Variants in SOS2 observed in about 807,000 individuals in gnomAD.
SOS2 encodes the protein SOS Ras/Rho guanine nucleotide exchange factor 2.
In SOS2, 65 loss-of-function variants were observed where a neutral mutation model predicts 148.2. The observed-to-expected ratio is 0.44, with a 90% CI of 0.36 to 0.54. The LOEUF (loss-of-function observed/expected upper bound fraction) is 0.54. Ranked by LOEUF, SOS2 falls within the 20% of genes least tolerant of loss-of-function variation. SOS2 has a pLI of 0.00. For synonymous variants in SOS2, 539 were observed against 537.1 expected (o/e 1.00, Z -0.05); for missense variants, 1,341 against 1,590.2 (o/e 0.84, Z 2.67).
intron 1 of SOS2, among the ~76,000 whole-genome samples, chr14:50,223,727 C>A (rs569484912): frequency 1.4e-4 from 22 of 152,048 alleles, no homozygotes; most frequent in African/African-American, 4.3e-4. Context: ...CACCTGTAGT[C>A]CCAGCTATAT....
intron 13 of SOS2, 113 bp downstream of exon 13, chr14:50,152,955 GCT>G: frequency 1.8e-6 from 1 of 542,548 alleles, no homozygotes; most frequent in Middle Eastern, 5.4e-4. Context: ...ACAAAGCAAA[GCT>G]CTGTTTCAAA....
intron 14 of SOS2, among the ~76,000 whole-genome samples, chr14:50,146,987 G>A (rs1460433845): frequency 1.3e-5 from 2 of 151,978 alleles, no homozygotes; most frequent in Non-Finnish European, 2.9e-5. Context: ...TTGAGGCAAA[G>A]GGTTTGAGAC....
At chr14:50,178,065 T>C (rs1884405) in intron 7 of SOS2, among the ~76,000 whole-genome samples, 1 of 152,054 alleles carries the variant, frequency 6.6e-6, no homozygotes. Flanking sequence ...TTAAGAGACT[T>C]AGAAGAAGAA....
At chr14:50,170,628 G>A (rs1041439000) in intron 8 of SOS2, among the ~76,000 whole-genome samples, 1 of 151,980 alleles carries the variant, frequency 6.6e-6, no homozygotes, top group African/African-American at 2.4e-5. Flanking sequence ...AGCCATGATT[G>A]TATCACTGCA....
chr14:50,134,331 A>G, intron 18 of SOS2, 92 bp from the exon 19 acceptor site: 1 of 654,024 alleles, frequency 1.5e-6, no homozygotes, highest in Non-Finnish European at 2.6e-6. Flanking sequence ...TTTTGCTGAA[A>G]ATTACTTATT....
intron 21 of SOS2, among the ~76,000 whole-genome samples, chr14:50,128,266 A>G (rs59733674): frequency 0.024 from 3,712 of 152,194 alleles, 147 homozygotes; most frequent in African/African-American, 0.083. Flanking sequence ...GGGGGACAAA[A>G]AGGCACCAGG....
chr14:50,173,566 C>T (rs1461598626), intron 8 of SOS2, among the ~76,000 whole-genome samples: 1 of 152,112 alleles, frequency 6.6e-6, no homozygotes, highest in Non-Finnish European at 1.5e-5. Flanking sequence ...GGACTACAGG[C>T]GCCTGCCATC....
intron 21 of SOS2, among the ~76,000 whole-genome samples, chr14:50,125,185 A>G (rs1390903251): frequency 1.3e-5 from 2 of 152,238 alleles, no homozygotes; most frequent in Non-Finnish European, 2.9e-5. Flanking sequence ...AGGAGAAGAA[A>G]TAAAGAAACA....
rs747160186 is a variant in SOS2 at position 50,145,552 on chromosome 14, T to A, written c.2429A>T (p.Glu810Val). The change falls in exon 15 of 23, where the codon GAA becomes GTA. Residue 810 changes from glutamate to valine, a missense_variant. Coordinates refer to ENST00000216373, the MANE Select transcript of SOS2 (RefSeq NM_006939.4). Reference protein sequence around the residue: ...SELVGSVWTKEDKEINSPNLL... With the variant: ...SELVGSVWTKVDKEINSPNLL... ...ATTTGGAGAATTTATTTCTTTATCT[T>A]CTTTGGTCCACACACTCCCTACAAG... 2 of 1,611,436 alleles carry A rather than the reference T, an allele frequency of 1.2e-6. No individual in the cohort carries two copies. Among genetic ancestry groups the A allele is most frequent in the Non-Finnish European group, 1.7e-6 (2 of 1,178,718 alleles).
At chr14:50,169,318 A>AAAAAAT (rs1428312847) in intron 8 of SOS2, among the ~76,000 whole-genome samples, 7 of 122,166 alleles carry the variant, frequency 5.7e-5, no homozygotes, top group Non-Finnish European at 1.2e-4. Context: ...TCCATCTCAA[A>AAAAAAT]AAAAATAAAA....
intron 16 of SOS2, among the ~76,000 whole-genome samples, chr14:50,143,920 A>G (rs1884379321): frequency 6.6e-6 from 1 of 151,284 alleles, no homozygotes; most frequent in Middle Eastern, 3.2e-3. Flanking sequence ...CTGCCTCCCA[A>G]AGTGTTGGGA....
chr14:50,149,930 A>G (rs980554719), intron 14 of SOS2, 78 bp downstream of exon 14: 2 of 1,026,388 alleles, frequency 1.9e-6, no homozygotes, highest in Non-Finnish European at 3.0e-6. Flanking sequence ...ACTCATGAAT[A>G]ATGTGCAAAA....
At chr14:50,151,201 T>G (rs1036691984) in intron 13 of SOS2, among the ~76,000 whole-genome samples, 19 of 152,218 alleles carry the variant, frequency 1.2e-4, no homozygotes, top group Admixed American at 1.2e-3. Context: ...TGAACAAGAT[T>G]GCACATATTG....
At chr14:50,210,214 A>G (rs1376424469) in intron 1 of SOS2, among the ~76,000 whole-genome samples, 2 of 152,256 alleles carry the variant, frequency 1.3e-5, no homozygotes, top group Non-Finnish European at 2.9e-5. Flanking sequence ...TCAATGGGAC[A>G]TAACAGAGTC....
intron 5 of SOS2, among the ~76,000 whole-genome samples, chr14:50,188,233 T>C (rs1308873766): frequency 6.6e-6 from 1 of 151,972 alleles, no homozygotes; most frequent in Non-Finnish European, 1.5e-5. Context: ...AGAAACCCCA[T>C]CTCTACTAAA....
chr14:50,168,774 C>T (rs1018035984), intron 8 of SOS2, among the ~76,000 whole-genome samples: 28 of 152,126 alleles, frequency 1.8e-4, no homozygotes, highest in African/African-American at 6.5e-4. Flanking sequence ...GAAGGCTGGA[C>T]TAGTGTGACT....
intron 1 of SOS2, among the ~76,000 whole-genome samples, chr14:50,204,796 T>C (rs1886607554): frequency 6.6e-6 from 1 of 152,176 alleles, no homozygotes; most frequent in Non-Finnish European, 1.5e-5. Context: ...CATACTCCTT[T>C]ACAAATTATA....
At chr14:50,182,383 T>A (rs924732882) in intron 6 of SOS2, 80 bp downstream of exon 6, 1 of 1,280,548 alleles carries the variant, frequency 7.8e-7, no homozygotes, top group Non-Finnish European at 1.1e-6. Context: ...GGTCTCACTA[T>A]GTTGCCAAGA....
At chr14:50,192,903 A>G (rs934246077) in intron 4 of SOS2, among the ~76,000 whole-genome samples, 19 of 152,164 alleles carry the variant, frequency 1.2e-4, no homozygotes, top group African/African-American at 4.6e-4. Context: ...GGTTAAAAAC[A>G]AAAGAAAGAA....
Sources: gnomAD v4.1 joint callset for allele counts (sites outside exome capture counted in the v4.1 genomes callset) on GRCh38, gnomAD v4.1.1 for gene constraint, MANE v1.5 for transcripts, NCBI Gene and HGNC (gene_info 2026-07-23, HGNC 2026-07-21) for gene names.